Variants in PPIE observed in about 807,000 individuals in gnomAD.
PPIE encodes peptidylprolyl isomerase E, also known as peptidyl-prolyl cis-trans isomerase E.
A neutral mutation model predicts 38.4 loss-of-function variants in PPIE; 20 were observed. The ratio of observed to expected loss-of-function variants is 0.52; its 90% CI spans 0.37 to 0.76. The LOEUF (loss-of-function observed/expected upper bound fraction) is 0.76, where lower values mean the gene tolerates loss of function less well. PPIE is among the 30% of genes least tolerant of loss of function. The probability of loss-of-function intolerance (pLI) is 0.00; values close to 1 mark genes in which losing one functional copy is unlikely to be tolerated. For missense variants in PPIE, 322 were observed against 385.8 expected, an observed-to-expected ratio of 0.83 and a Z score of 1.39; for synonymous variants, 142 against 135.7, an observed-to-expected ratio of 1.05 and a Z score of -0.32.
At position 39,756,669 on chromosome 1, in the gene PPIE, C is replaced by A; in HGVS notation, c.*3314C>A. The A allele has an allele frequency of 1.1e-6, 1 of 921,016 alleles. No homozygotes were observed. Among genetic ancestry groups the A allele is most frequent in the Non-Finnish European group, 1.3e-6 (1 of 771,256 alleles). The allele number at this position is 921,016 out of a possible 1,614,324, so 57.1% of individuals were successfully genotyped here. A position where few individuals can be genotyped will look rare whatever the true frequency, so the allele number is the denominator to read the frequency against. ...ACATCACAAAGAAACATATATAGTA[C>A]AGTGTGATCCCAATTTTGTAAAAAT... On this transcript the variant is annotated 3_prime_UTR_variant, in exon 10 of 10. Transcript: ENST00000324379.
intron 9 of PPIE, chr1:39,763,171 G>A (rs1233086770): frequency 6.2e-7 from 1 of 1,613,840 alleles, no homozygotes; most frequent in Admixed American, 1.7e-5. Context: ...ACAGTAATAG[G>A]CCGAGTAGCC....
At chr1:39,763,756 G>A (rs532537559) in exon 10 of PPIE, 11 of 1,604,232 alleles carry the variant, frequency 6.9e-6, no homozygotes, top group South Asian at 2.2e-5. Flanking sequence ...TCGTGCCGAC[G>A]GCAGACCTGC....
At position 39,755,673 on chromosome 1, in the gene PPIE, T is replaced by G. The variant is rs1210846172; in HGVS notation, c.*2318T>G. The G allele has an allele frequency of 2.0e-6, 2 of 985,278 alleles. No homozygotes were observed. Among genetic ancestry groups the G allele is most frequent in the Non-Finnish European group, 2.4e-6 (2 of 829,922 alleles). 61.0% of individuals were successfully genotyped at this position (985,278 alleles called of 1,614,324 possible). On this transcript the variant is annotated 3_prime_UTR_variant, in exon 10 of 10. Transcript: ENST00000324379. The stretch of plus-strand genomic sequence containing the variant: ...AAAAGGACAGACTCCTGTGACAACC[T>G]TGTCACTCTGTTCCTCCCTGATACT...
In PPIE at chr1:39,755,766, C is replaced by T. The variant is rs918301850; in HGVS notation, c.*2411C>T. ...GGTTTGGAGCCATTGGGTGTGGACT[C>T]CTCTCCCAGTGTTCCTCCTGGGTGT... On this transcript the variant is annotated 3_prime_UTR_variant, in exon 10 of 10. Transcript: ENST00000324379. 1 of 985,336 alleles carries T rather than the reference C, an allele frequency of 1.0e-6. No individual in the cohort carries two copies. The highest frequency in any genetic ancestry group is 1.2e-6 in the Non-Finnish European group (1 of 829,906). The allele number at this position is 985,336 out of a possible 1,614,324, so 61.0% of individuals were successfully genotyped here.
chr1:39,762,640 G>A (rs1159372713), intron 9 of PPIE: 16 of 1,544,134 alleles, frequency 1.0e-5, no homozygotes, highest in African/African-American at 2.8e-5. Context: ...TCCTGCCTGC[G>A]GTGCGGCACA....
chr1:39,753,565 C>CA lies in PPIE; in HGVS notation c.*211dup. ...ACAGCTGTGGGCCCAGGAGCCAGCT[C>CA]AGGTGCTCCCCTCCACCATGGGCAG... On this transcript the variant is annotated 3_prime_UTR_variant, in exon 10 of 10. Transcript: ENST00000324379. 1 of 1,390,476 alleles carries CA rather than the reference C, an allele frequency of 7.2e-7. No individual in the cohort carries two copies. Among genetic ancestry groups the CA allele is most frequent in the South Asian group, 1.7e-5 (1 of 59,442 alleles). The allele number at this position is 1,390,476 out of a possible 1,614,324, so 86.1% of individuals were successfully genotyped here.
intron 1 of PPIE, chr1:39,739,960 A>G (rs1431311052): frequency 3.9e-6 from 2 of 518,604 alleles, no homozygotes; most frequent in Non-Finnish European, 6.9e-6. Context: ...CAGTAATCCC[A>G]GGACTAGATG....
downstream of PPIE, among the ~76,000 whole-genome samples, chr1:39,761,730 C>T (rs1263390795): frequency 6.6e-6 from 1 of 152,190 alleles, no homozygotes; most frequent in Non-Finnish European, 1.5e-5. Context: ...CCTCCTCCAG[C>T]TGCTGACTGG....
intron 8 of PPIE, among the ~76,000 whole-genome samples, chr1:39,752,098 C>CA (rs200425207): frequency 6.2e-4 from 95 of 152,010 alleles, no homozygotes; most frequent in African/African-American, 2.2e-3. Context: ...ATCCCCATCT[C>CA]AAAAAAAGTA....
rs1648160076 is a variant in PPIE, at chr1:39,755,409, C to G, written c.*2054C>G. 1 of 985,336 alleles carries G rather than the reference C, an allele frequency of 1.0e-6. No individual in the cohort carries two copies. The highest frequency in any genetic ancestry group is 1.2e-6 in the Non-Finnish European group (1 of 829,944). 61.0% of individuals were successfully genotyped at this position (985,336 alleles called of 1,614,324 possible). A position where few individuals can be genotyped will look rare whatever the true frequency, so the allele number is the denominator to read the frequency against. On this transcript the variant is annotated 3_prime_UTR_variant, in exon 10 of 10. Transcript: ENST00000324379. ...TGTGAGCTCCAGCTGCTACAGTTGA[C>G]TGAGTTCAGGCTCCATGTAGCTGGG...
chr1:39,760,681 A>C (rs1199391386), downstream of PPIE: 1 of 1,325,614 alleles, frequency 7.5e-7, no homozygotes, highest in Non-Finnish European at 1.0e-6. Context: ...TCCAGGCCAC[A>C]TGGGAGCAGC....
chr1:39,747,165 C>T (rs1422274805), intron 7 of PPIE: 1 of 152,112 alleles, frequency 6.6e-6, no homozygotes, highest in Non-Finnish European at 1.5e-5. Context: ...AATAATATTC[C>T]GTTGTATTTG....
Position 39,755,385 on chromosome 1 carries a change from G to T in PPIE, c.*2030G>T. On this transcript the variant is annotated 3_prime_UTR_variant, in exon 10 of 10. Coordinates refer to ENST00000324379, the MANE Select transcript of PPIE (RefSeq NM_006112.4). ...GGCTCCCATGTGCCGACTGGACTTT[G>T]TGAGCTCCAGCTGCTACAGTTGACT... is the stretch of plus-strand genomic sequence containing the variant. 1.0e-6 allele frequency: 1 copy of T among 985,472 alleles called. No individual in the cohort carries two copies. Among genetic ancestry groups the T allele is most frequent in the Non-Finnish European group, 1.2e-6 (1 of 829,938 alleles). 61.0% of individuals were successfully genotyped at this position (985,472 alleles called of 1,614,324 possible). A position where few individuals can be genotyped will look rare whatever the true frequency, so the allele number is the denominator to read the frequency against.
chr1:39,745,518 C>T lies in PPIE; in HGVS notation c.508+20C>T, dbSNP rs988514613. ...CAGCAGGTGAGCAGGACGCTGTGGT[C>T]AGAACGGCGGGACGCTGGTGGCTGA... On this transcript the variant is annotated intron_variant, in intron 7 of 9. Coordinates refer to ENST00000324379, the MANE Select transcript of PPIE (RefSeq NM_006112.4). 1 of 1,614,012 alleles carries T rather than the reference C, an allele frequency of 6.2e-7. No individual in the cohort carries two copies. The highest frequency in any genetic ancestry group is 8.5e-7 in the Non-Finnish European group (1 of 1,180,016).
At chr1:39,749,135 G>C in intron 8 of PPIE, 47 bp downstream of exon 8, 1 of 1,530,210 alleles carries the variant, frequency 6.5e-7, no homozygotes. Context: ...GGGCAAGGGT[G>C]GGATGGCCAG....
rs1017091125 is a variant in PPIE, at chr1:39,756,344, C to T, written c.*2989C>T. The T allele has an allele frequency of 3.3e-5, 33 of 985,358 alleles. No homozygotes were observed. The highest frequency in any genetic ancestry group is 3.6e-5 in the Non-Finnish European group (30 of 829,954). 61.0% of individuals were successfully genotyped at this position (985,358 alleles called of 1,614,324 possible). On this transcript the variant is annotated 3_prime_UTR_variant, in exon 10 of 10. Transcript: ENST00000324379. ...GCACCAGGACTGGGCACAGGGCTTC[C>T]TTTTGCTGATTCATTTCCCCCCTAA...
chr1:39,750,929 CTG>C, intron 8 of PPIE, among the ~76,000 whole-genome samples: 1 of 152,328 alleles, frequency 6.6e-6, no homozygotes, highest in South Asian at 2.1e-4. Context: ...CAGTATTCAT[CTG>C]TAACTATAAT....
downstream of PPIE, chr1:39,757,772 T>C (rs180705828): frequency 6.6e-6 from 1 of 152,386 alleles, no homozygotes; most frequent in African/African-American, 2.4e-5. Flanking sequence ...CAGATGCACA[T>C]GCTTGGCTCA....
intron 9 of PPIE, chr1:39,763,128 G>A (rs1649244684): frequency 1.2e-6 from 2 of 1,613,962 alleles, no homozygotes; most frequent in Non-Finnish European, 1.7e-6. Context: ...TGGCATTCAT[G>A]CAGGAGTCCA....
Sources: allele counts gnomAD v4.1 joint callset (sites outside exome capture counted in the v4.1 genomes callset), GRCh38; gene constraint gnomAD v4.1.1; transcripts MANE v1.5; gene names NCBI Gene and HGNC (gene_info 2026-07-23, HGNC 2026-07-21).